DMD: variants seen among roughly 807,000 people sequenced by gnomAD.
DMD encodes the protein mutant dystrophin.
DMD carries 63 observed loss-of-function variants against 330.1 expected under a neutral mutation model. The observed-to-expected ratio is 0.19, with a 90% CI of 0.16 to 0.24. DMD has a LOEUF of 0.24. DMD is among the 10% of genes least tolerant of loss of function. The probability of loss-of-function intolerance (pLI) is 1.00; values close to 1 mark genes in which losing one functional copy is unlikely to be tolerated. For missense variants in DMD, 3,344 were observed against 2,684.1 expected (o/e 1.25, Z -5.43); for synonymous variants, 1,223 against 959.8 (o/e 1.27, Z -5.07).
chrX:32,959,354 T>C (rs1402390715), intron 2 of DMD, among the ~76,000 whole-genome samples: 3 of 111,402 alleles, frequency 2.7e-5, no homozygotes, highest in Admixed American at 9.5e-5. Flanking sequence ...ATCCAGGGAC[T>C]CTTCTCATCC....
intron 1 of DMD, among the ~76,000 whole-genome samples, chrX:33,157,453 A>T (rs926041700): frequency 1.8e-5 from 2 of 111,801 alleles, no homozygotes; most frequent in Non-Finnish European, 3.8e-5. Context: ...CAAAGACCCC[A>T]TTTGCAAACA....
chrX:32,464,456 G>A (rs758081788), intron 24 of DMD, 130 bp downstream of exon 24: 76 of 513,176 alleles, frequency 1.5e-4, no homozygotes, highest in Admixed American at 6.3e-4. Flanking sequence ...AATCAAAAAC[G>A]TCTAGAAACA....
chrX:32,495,352 T>C (rs1426127533), intron 19 of DMD, among the ~76,000 whole-genome samples: 1 of 111,588 alleles, frequency 9.0e-6, no homozygotes, highest in Non-Finnish European at 1.9e-5. Flanking sequence ...ATCAATAGTG[T>C]ACTCTATATG....
intron 1 of DMD, among the ~76,000 whole-genome samples, chrX:33,286,531 C>T (rs934091027): frequency 3.6e-4 from 40 of 112,268 alleles, no homozygotes; most frequent in Admixed American, 3.1e-3. Context: ...CTCCTGCTCT[C>T]GTCTTTATAA....
chrX:32,992,039 T>C lies in DMD; in HGVS notation c.93+28100A>G, dbSNP rs749353095. 3.3e-4 allele frequency among the ~76,000 whole-genome samples: 37 copies of C among 112,083 alleles called. No individual in the cohort carries two copies. The Admixed American group carries it at 3.6e-3, about 11-fold the overall frequency. On this transcript the variant is annotated intron_variant, in intron 2 of 78. Transcript: ENST00000357033. ...TTTACATTTTGTCATTCATTTAAAA[T>C]TCAGAATGGCTTTTTATGCCATTAA...
At chrX:31,636,331 C>T (rs1345657499) in intron 54 of DMD, among the ~76,000 whole-genome samples, 2 of 111,608 alleles carry the variant, frequency 1.8e-5, no homozygotes, top group South Asian at 3.8e-4. Context: ...ACACGTGCTC[C>T]TGAACTTAAA....
chrX:31,632,920 G>A (rs1339898760), intron 54 of DMD, among the ~76,000 whole-genome samples: 1 of 111,703 alleles, frequency 9.0e-6, no homozygotes, highest in Non-Finnish European at 1.9e-5. Context: ...TATTAGTAAC[G>A]TGCACTAATG....
intron 1 of DMD, among the ~76,000 whole-genome samples, chrX:33,200,951 A>C (rs189457721): frequency 0.11 from 297 of 2,755 alleles, 1 homozygote; most frequent in African/African-American, 0.22. Context: ...TTTTTTTTTG[A>C]GACAGAGTCT....
intron 76 of DMD, among the ~76,000 whole-genome samples, chrX:31,135,319 C>T (rs1055874211): frequency 7.2e-5 from 8 of 111,374 alleles, no homozygotes; most frequent in African/African-American, 1.6e-4. Flanking sequence ...AAAATACAAA[C>T]GAAACTCAAG....
At chrX:31,254,580 G>A (rs1366286718) in intron 63 of DMD, among the ~76,000 whole-genome samples, 1 of 111,260 alleles carries the variant, frequency 9.0e-6, no homozygotes, top group Non-Finnish European at 1.9e-5. Flanking sequence ...GCCCAGGCTG[G>A]TCTTGAACTC....
intron 2 of DMD, among the ~76,000 whole-genome samples, chrX:32,932,698 A>T (rs1282067414): frequency 8.9e-6 from 1 of 112,068 alleles, no homozygotes; most frequent in African/African-American, 3.2e-5. Context: ...AGTGTAGTTT[A>T]AACGATTGAT....
intron 1 of DMD, among the ~76,000 whole-genome samples, chrX:33,115,957 G>A (rs187042367): frequency 0.014 from 1,549 of 110,178 alleles, 31 homozygotes; most frequent in African/African-American, 0.048. Context: ...ACTTTGGGAG[G>A]CCGAGGACAG....
At chrX:32,558,943 T>C (rs1052772132) in intron 16 of DMD, among the ~76,000 whole-genome samples, 4 of 36,872 alleles carry the variant, frequency 1.1e-4, no homozygotes, top group Admixed American at 7.9e-4. Flanking sequence ...ATTTTCTTTT[T>C]TTTTTTTTTT....
chrX:33,234,492 T>C (rs1462648960), intron 1 of DMD, among the ~76,000 whole-genome samples: 1 of 111,514 alleles, frequency 9.0e-6, no homozygotes, highest in Non-Finnish European at 1.9e-5. Context: ...GCTAACTCAC[T>C]GAGTTACAAA....
At chrX:33,312,824 C>G (rs1310529449) in intron 1 of DMD, among the ~76,000 whole-genome samples, 1 of 111,460 alleles carries the variant, frequency 9.0e-6, no homozygotes, top group Admixed American at 9.6e-5. Flanking sequence ...TAACTCAAGC[C>G]TGAAGGAAAC....
intron 44 of DMD, among the ~76,000 whole-genome samples, chrX:32,075,234 G>A (rs1253322095): frequency 8.9e-6 from 1 of 111,964 alleles, no homozygotes; most frequent in African/African-American, 3.2e-5. Context: ...ACAGAAGGAG[G>A]GGGACCACTT....
At chrX:31,213,232 A>T (rs1406600982) in intron 64 of DMD, among the ~76,000 whole-genome samples, 1 of 112,730 alleles carries the variant, frequency 8.9e-6, no homozygotes, top group Non-Finnish European at 1.9e-5. Flanking sequence ...ACTTGCTAAA[A>T]TATCTACACA....
At chrX:32,724,686 C>T (rs2066679514) in intron 7 of DMD, among the ~76,000 whole-genome samples, 1 of 111,407 alleles carries the variant, frequency 9.0e-6, no homozygotes, top group Admixed American at 9.6e-5. Flanking sequence ...TCTCAAGATC[C>T]AAAAGATTTA....
intron 47 of DMD, among the ~76,000 whole-genome samples, chrX:31,922,525 T>C (rs11095219): frequency 8.2e-4 from 87 of 106,396 alleles, no homozygotes; most frequent in Admixed American, 3.8e-3. Context: ...TGTGTGTGTG[T>C]GCGCGCGCGT....
Sources: gnomAD v4.1 joint callset for allele counts (sites outside exome capture counted in the v4.1 genomes callset) on GRCh38, gnomAD v4.1.1 for gene constraint, MANE v1.5 for transcripts, NCBI Gene and HGNC (gene_info 2026-07-23, HGNC 2026-07-21) for gene names.